The following CSMD2 variants were observed in gnomAD, a reference collection of about 807,000 sequenced individuals.
CSMD2 encodes the protein CUB and sushi domain-containing protein 2.
CSMD2 carries 130 observed loss-of-function variants against 398.5 expected under a neutral mutation model. The observed-to-expected ratio is 0.33, with a 90% CI of 0.28 to 0.38. The LOEUF (loss-of-function observed/expected upper bound fraction) is 0.38. Ranked by LOEUF, CSMD2 falls within the 10% of genes least tolerant of loss-of-function variation. The pLI is 1.00. For missense variants in CSMD2, 3,829 were observed against 4,764.9 expected (o/e 0.80, Z 5.78); for synonymous variants, 1,828 against 1,908.5 (o/e 0.96, Z 1.10).
At chr1:33,725,265 G>T in intron 17 of CSMD2, 84 bp downstream of exon 17, 4 of 1,156,066 alleles carry the variant, frequency 3.5e-6, no homozygotes, top group South Asian at 2.7e-5. Context: ...CCAAGCAGGG[G>T]CCTGTGGTGG....
intron 6 of CSMD2, among the ~76,000 whole-genome samples, chr1:33,842,258 C>T (rs1181846911): frequency 2.0e-5 from 3 of 152,230 alleles, no homozygotes; most frequent in Non-Finnish European, 4.4e-5. Flanking sequence ...TGGTCTGTCC[C>T]TTCCTTTTCA....
chr1:34,006,544 A>G (rs1647062226), intron 3 of CSMD2, among the ~76,000 whole-genome samples: 1 of 151,780 alleles, frequency 6.6e-6, no homozygotes, highest in East Asian at 2.0e-4. Flanking sequence ...CCTCAGAAAG[A>G]AATTATTCTA....
intron 2 of CSMD2, among the ~76,000 whole-genome samples, chr1:34,080,537 G>A (rs1320046224): frequency 6.6e-6 from 1 of 151,938 alleles, no homozygotes; most frequent in Non-Finnish European, 1.5e-5. Context: ...AATAAAGCTA[G>A]ATAATAATTT....
intron 21 of CSMD2, among the ~76,000 whole-genome samples, chr1:33,710,928 C>G (rs1209355148): frequency 6.6e-6 from 1 of 152,188 alleles, no homozygotes; most frequent in Non-Finnish European, 1.5e-5. Context: ...CAATTCAGGA[C>G]CAGCTTCAGT....
intron 15 of CSMD2, among the ~76,000 whole-genome samples, chr1:33,738,694 C>A (rs531576601): frequency 6.6e-6 from 1 of 151,994 alleles, no homozygotes; most frequent in Admixed American, 6.6e-5. Flanking sequence ...GCACAAAGGC[C>A]GAGACTGGGA....
chr1:33,855,745 A>C (rs1639038486), intron 5 of CSMD2, among the ~76,000 whole-genome samples: 1 of 152,164 alleles, frequency 6.6e-6, no homozygotes, highest in Non-Finnish European at 1.5e-5. Flanking sequence ...GTTAAAGCCT[A>C]TCCCCATCAG....
chr1:34,077,777 A>G (rs540572114), intron 2 of CSMD2, among the ~76,000 whole-genome samples: 1 of 146,268 alleles, frequency 6.8e-6, no homozygotes, highest in Admixed American at 6.8e-5. Flanking sequence ...CTGTGAGGAG[A>G]CTCCAAAAGG....
At chr1:33,908,605 G>C (rs1643265688) in intron 5 of CSMD2, among the ~76,000 whole-genome samples, 1 of 152,246 alleles carries the variant, frequency 6.6e-6, no homozygotes, top group South Asian at 2.1e-4. Context: ...AGCTTTAGCA[G>C]AGCCGCTGTG....
chr1:33,790,840 T>C (rs993936213), intron 11 of CSMD2, among the ~76,000 whole-genome samples: 1 of 151,600 alleles, frequency 6.6e-6, no homozygotes, highest in Non-Finnish European at 1.5e-5. Context: ...TATCTATCTA[T>C]CTATCATCTA....
chr1:33,717,700 A>G (rs1261573726), intron 19 of CSMD2, among the ~76,000 whole-genome samples: 1 of 151,698 alleles, frequency 6.6e-6, no homozygotes, highest in Non-Finnish European at 1.5e-5. Context: ...TGAAGCCACA[A>G]GCAAGGAGAA....
chr1:34,011,137 C>A (rs1002638999), intron 3 of CSMD2, among the ~76,000 whole-genome samples: 1 of 152,180 alleles, frequency 6.6e-6, no homozygotes, highest in Non-Finnish European at 1.5e-5. Context: ...CCAAGCTGGG[C>A]TGGGGGCTCC....
chr1:33,909,080 A>G (rs1220436564), intron 5 of CSMD2, among the ~76,000 whole-genome samples: 2 of 152,212 alleles, frequency 1.3e-5, no homozygotes, highest in Non-Finnish European at 2.9e-5. Context: ...AGCTCAGCCA[A>G]CATGGGTTCA....
chr1:33,567,792 T>C lies in CSMD2; in HGVS notation c.8181A>G (p.Val2727=). The change falls in exon 53 of 71, where the codon GTA becomes GTG. Residue 2727 remains valine, a synonymous_variant. Transcript: ENST00000373381. ...CTTTGGTGAGGGATGGGGAAGAGAG[T>C]ACATCGAAGAGGAGCTTATAGAAAA... The part of the protein sequence containing the change: ...HSIFYKLLFD[V]LSSPSLTKAG... 1.2e-6 allele frequency: 2 copies of C among 1,611,582 alleles called. No homozygotes were observed. The highest frequency in any genetic ancestry group is 4.5e-5 in the East Asian group (2 of 44,794).
In CSMD2 at chr1:34,111,555, A is replaced by G. The variant is rs1254654203; in HGVS notation, c.188-22362T>C. Among the ~76,000 whole-genome samples the G allele has an allele frequency of 4.6e-5, 7 of 152,360 alleles. No individual in the cohort carries two copies. The Middle Eastern group carries it at 0.01, about 222-fold the overall frequency. On this transcript the variant is annotated intron_variant, in intron 1 of 70. Transcript: ENST00000373381. Reference sequence around the variant, plus strand: ...CTGACTGTGTGTGCCCCACACAATCATGACTTTGGTCCTTGCGTTATTTCT... The same window carrying G: ...CTGACTGTGTGTGCCCCACACAATCGTGACTTTGGTCCTTGCGTTATTTCT...
At chr1:33,679,550 T>G (rs1557719430) in intron 25 of CSMD2, among the ~76,000 whole-genome samples, 1 of 152,152 alleles carries the variant, frequency 6.6e-6, no homozygotes, top group Non-Finnish European at 1.5e-5. Context: ...AGAGCCTCAA[T>G]TTACCCCCGT....
At chr1:33,781,841 A>G (rs1172572847) in intron 12 of CSMD2, among the ~76,000 whole-genome samples, 1 of 152,082 alleles carries the variant, frequency 6.6e-6, no homozygotes, top group Admixed American at 6.5e-5. Flanking sequence ...GCCCCCATGG[A>G]GGGAGACTGG....
intron 3 of CSMD2, among the ~76,000 whole-genome samples, chr1:33,954,882 G>A (rs555329231): frequency 2.6e-5 from 4 of 152,266 alleles, no homozygotes; most frequent in African/African-American, 9.6e-5. Flanking sequence ...TTCTGGAGAT[G>A]GATGGCGGGG....
At chr1:33,994,041 A>G (rs1646648192) in intron 3 of CSMD2, among the ~76,000 whole-genome samples, 1 of 152,166 alleles carries the variant, frequency 6.6e-6, no homozygotes, top group African/African-American at 2.4e-5. Context: ...ATGGGTGGAG[A>G]CAATTGTTTG....
At chr1:33,729,400 A>G (rs115815962) in intron 15 of CSMD2, among the ~76,000 whole-genome samples, 2 of 149,214 alleles carry the variant, frequency 1.3e-5, no homozygotes, top group African/African-American at 2.5e-5. Context: ...TCTGTTGTTC[A>G]TCTTCATATT....
Sources: gnomAD v4.1 joint callset for allele counts (sites outside exome capture counted in the v4.1 genomes callset) on GRCh38, gnomAD v4.1.1 for gene constraint, MANE v1.5 for transcripts, NCBI Gene and HGNC (gene_info 2026-07-23, HGNC 2026-07-21) for gene names.